COMMD10: variants seen among roughly 807,000 people sequenced by gnomAD.
COMMD10 encodes the protein COMM domain-containing protein 10.
In COMMD10, 33 loss-of-function variants were observed where a neutral mutation model predicts 28.9. The observed-to-expected ratio is 1.14, with a 90% confidence interval of 0.87 to 1.53. The LOEUF is 1.53. Among genes scored for constraint, COMMD10 ranks in the 40% most tolerant of loss-of-function variants. The pLI, the probability that COMMD10 is intolerant of heterozygous loss-of-function variation, is 0.00. For missense variants in COMMD10, 310 were observed against 233.4 expected, an observed-to-expected ratio of 1.33 and a Z score of -2.14; for synonymous variants, 110 against 81.7, an observed-to-expected ratio of 1.35 and a Z score of -1.87.
intron 4 of COMMD10, among the ~76,000 whole-genome samples, chr5:116,129,380 T>TAC (rs1306842905): frequency 2.8e-5 from 4 of 145,250 alleles, no homozygotes; most frequent in East Asian, 2.0e-4. Context: ...GTATTTTATA[T>TAC]ATATTAGTAT....
chr5:116,162,125 G>C lies in COMMD10; in HGVS notation c.510+27947G>C, dbSNP rs563773666. ...AAATTATAAGCATGCCCCTTAAGTA[G>C]ATTCATTGACCTATTTAAATTTGTG... On this transcript the variant is annotated intron_variant, in intron 5 of 6. Coordinates refer to ENST00000274458, the MANE Select transcript of COMMD10 (RefSeq NM_016144.4). Among the ~76,000 whole-genome samples, 6 of 152,254 alleles carry C rather than the reference G, an allele frequency of 3.9e-5. No individual in the cohort carries two copies. The East Asian group carries it at 1.2e-3, about 29-fold the overall frequency.
At chr5:116,088,316 T>G (rs1232615201) in intron 2 of COMMD10, among the ~76,000 whole-genome samples, 5 of 152,214 alleles carry the variant, frequency 3.3e-5, no homozygotes, top group Non-Finnish European at 7.3e-5. Flanking sequence ...AAATCCAAGT[T>G]CTCACAATTC....
intron 5 of COMMD10, among the ~76,000 whole-genome samples, chr5:116,284,370 TTAGA>T (rs1242689197): frequency 6.6e-6 from 1 of 151,726 alleles, no homozygotes; most frequent in Non-Finnish European, 1.5e-5. Context: ...ATATATGTAT[TTAGA>T]TAGATATACT....
intron 5 of COMMD10, among the ~76,000 whole-genome samples, chr5:116,249,933 T>A (rs1750061134): frequency 6.6e-6 from 1 of 151,934 alleles, no homozygotes; most frequent in Non-Finnish European, 1.5e-5. Context: ...CACTTAACAA[T>A]TATATTTGTT....
intron 4 of COMMD10, among the ~76,000 whole-genome samples, chr5:116,111,128 C>T (rs1751028550): frequency 6.6e-6 from 1 of 152,146 alleles, no homozygotes; most frequent in South Asian, 2.1e-4. Context: ...TGTAACGTCT[C>T]CATTTTGATT....
intron 5 of COMMD10, among the ~76,000 whole-genome samples, chr5:116,256,014 G>A (rs527451822): frequency 5.9e-5 from 9 of 151,336 alleles, no homozygotes; most frequent in Admixed American, 1.3e-4. Context: ...AGCTATTTTC[G>A]TATTCAATCT....
chr5:116,217,472 A>G (rs1749135681), intron 5 of COMMD10, among the ~76,000 whole-genome samples: 1 of 152,186 alleles, frequency 6.6e-6, no homozygotes, highest in South Asian at 2.1e-4. Context: ...GCTGACCCTG[A>G]CTATCAGGAA....
intron 5 of COMMD10, among the ~76,000 whole-genome samples, chr5:116,136,482 T>C (rs1246124167): frequency 6.6e-6 from 1 of 152,236 alleles, no homozygotes; most frequent in Non-Finnish European, 1.5e-5. Flanking sequence ...CCACATACAT[T>C]GGATATGCTT....
chr5:116,125,431 G>C (rs559824151), intron 4 of COMMD10, among the ~76,000 whole-genome samples: 124 of 152,188 alleles, frequency 8.1e-4, no homozygotes, highest in African/African-American at 2.8e-3. Flanking sequence ...TGTTAGTCTG[G>C]TGGGTTTCCC....
At chr5:116,189,538 T>C (rs78797058) in intron 5 of COMMD10, among the ~76,000 whole-genome samples, 2,431 of 152,302 alleles carry the variant, frequency 0.016, 67 homozygotes, top group African/African-American at 0.056. Context: ...CCGAATTGTT[T>C]CCTACTTAAC....
chr5:116,166,964 C>G (rs990236177), intron 5 of COMMD10, among the ~76,000 whole-genome samples: 1 of 152,058 alleles, frequency 6.6e-6, no homozygotes, highest in Non-Finnish European at 1.5e-5. Flanking sequence ...CACAGTTCCT[C>G]ACCAGCAAGG....
intron 5 of COMMD10, among the ~76,000 whole-genome samples, chr5:116,267,222 C>T (rs1489760648): frequency 1.3e-5 from 2 of 151,894 alleles, no homozygotes. Flanking sequence ...CCAAAATCTC[C>T]TTAAGCTGAT....
At chr5:116,153,429 T>A (rs1395039454) in intron 5 of COMMD10, among the ~76,000 whole-genome samples, 1 of 152,058 alleles carries the variant, frequency 6.6e-6, no homozygotes, top group East Asian at 1.9e-4. Context: ...CTAGTCAGCC[T>A]GGATGGGTGG....
chr5:116,273,910 CT>C (rs1750827321), intron 5 of COMMD10, among the ~76,000 whole-genome samples: 1 of 151,544 alleles, frequency 6.6e-6, no homozygotes, highest in Non-Finnish European at 1.5e-5. Flanking sequence ...GTACAATTTA[CT>C]TTTTTTAAAG....
At chr5:116,245,743 A>G (rs1749932383) in intron 5 of COMMD10, among the ~76,000 whole-genome samples, 1 of 152,170 alleles carries the variant, frequency 6.6e-6, no homozygotes, top group African/African-American at 2.4e-5. Flanking sequence ...CAAAAACCAC[A>G]TGATTATCTC....
rs552922564 is a variant in COMMD10, at chr5:116,243,974, C to T, written c.511-47543C>T. The stretch of plus-strand genomic sequence containing the variant: ...TGAAATCATTGAGTCAATGGAAAGC[C>T]GGGAGGAAAACAATGTTAAATCAAT... On this transcript the variant is annotated intron_variant, in intron 5 of 6. Coordinates refer to ENST00000274458, the MANE Select transcript of COMMD10 (RefSeq NM_016144.4). 3.9e-5 allele frequency among the ~76,000 whole-genome samples: 6 copies of T among 152,128 alleles called. No homozygotes were observed. The South Asian group carries it at 6.2e-4, about 16-fold the overall frequency.
intron 5 of COMMD10, among the ~76,000 whole-genome samples, chr5:116,178,509 G>T (rs1031106245): frequency 6.6e-6 from 1 of 151,918 alleles, no homozygotes. Flanking sequence ...ATGTATCTTG[G>T]GTATGCAAAT....
At chr5:116,136,364 G>A (rs887376610) in intron 5 of COMMD10, among the ~76,000 whole-genome samples, 10 of 152,142 alleles carry the variant, frequency 6.6e-5, no homozygotes, top group African/African-American at 2.4e-4. Flanking sequence ...ATACATACAT[G>A]CACATTCCAA....
chr5:116,235,044 A>T lies in COMMD10; in HGVS notation c.511-56473A>T, dbSNP rs927559851. Among the ~76,000 whole-genome samples, 17 of 152,342 alleles carry T rather than the reference A, an allele frequency of 1.1e-4. 1 individual carries two copies. Among genetic ancestry groups the T allele is most frequent in the African/African-American group, 4.1e-4 (17 of 41,572 alleles). On this transcript the variant is annotated intron_variant, in intron 5 of 6. Coordinates refer to ENST00000274458, the MANE Select transcript of COMMD10 (RefSeq NM_016144.4). ...AATGTAAAGGTGTTTGTAAAAGGAC[A>T]TAAAAATCAATCATTTGTATAATAT...
Sources: gnomAD v4.1 joint callset for allele counts (sites outside exome capture counted in the v4.1 genomes callset) on GRCh38, gnomAD v4.1.1 for gene constraint, MANE v1.5 for transcripts, NCBI Gene and HGNC (gene_info 2026-07-23, HGNC 2026-07-21) for gene names.